Variants in SORCS2 observed in about 807,000 individuals in gnomAD.
The protein encoded by SORCS2 is sortilin related VPS10 domain containing receptor 2, also known as VPS10 domain-containing receptor SorCS2.
A neutral mutation model predicts 141.6 loss-of-function variants in SORCS2; 100 were observed. The observed-to-expected ratio is 0.71, with a 90% CI of 0.60 to 0.83. The LOEUF (loss-of-function observed/expected upper bound fraction) is 0.83, where lower values mean the gene tolerates loss of function less well. Among genes scored for constraint, SORCS2 ranks in the 40% least tolerant of loss-of-function variants. The pLI, the probability that SORCS2 is intolerant of heterozygous loss-of-function variation, is 0.00. For missense variants in SORCS2, 1,646 were observed against 1,560.2 expected (o/e 1.05, Z -0.93); for synonymous variants, 789 against 676.9 (o/e 1.17, Z -2.57).
chr4:7,372,942 C>T (rs570039251), intron 1 of SORCS2, among the ~76,000 whole-genome samples: 58 of 151,034 alleles, frequency 3.8e-4, no homozygotes, highest in South Asian at 2.1e-4. Context: ...AGTCTTCCAT[C>T]GTGTGAATGA....
Position 7,695,984 on chromosome 4 carries a change from A to T in SORCS2, c.1592-1214A>T, listed in dbSNP as rs938809538. 9.3e-5 allele frequency among the ~76,000 whole-genome samples: 14 copies of T among 150,292 alleles called. No homozygotes were observed. The Middle Eastern group carries it at 0.01, about 111-fold the overall frequency. On this transcript the variant is annotated intron_variant, in intron 11 of 26. Transcript: ENST00000507866. ...GATGGATGGATGGACAGATGGATGA[A>T]TAGGTAGGTGGGTGAGTGGGTAGAT...
intron 1 of SORCS2, chr4:7,381,831 C>T (rs759190258): frequency 4.5e-5 from 40 of 890,010 alleles, no homozygotes; most frequent in Non-Finnish European, 5.2e-5. Context: ...TGCCAGGAGC[C>T]AGGGCCAGAG....
At chr4:7,385,970 C>T (rs1014520595) in intron 1 of SORCS2, among the ~76,000 whole-genome samples, 6 of 152,198 alleles carry the variant, frequency 3.9e-5, no homozygotes, top group East Asian at 3.8e-4. Context: ...GCATCTTCCT[C>T]ATGTTTTGGA....
At chr4:7,723,669 T>C in intron 18 of SORCS2, 28 bp from the exon 19 acceptor site, 1 of 1,612,182 alleles carries the variant, frequency 6.2e-7, no homozygotes, top group African/African-American at 1.3e-5. Flanking sequence ...GGCCCACTCC[T>C]GAGTGGCCAC....
intron 2 of SORCS2, among the ~76,000 whole-genome samples, chr4:7,504,797 T>G (rs558899747): frequency 1.2e-4 from 19 of 152,308 alleles, no homozygotes; most frequent in Admixed American, 3.9e-4. Context: ...GCCTGAACCA[T>G]GGTATGTCTG....
intron 14 of SORCS2, among the ~76,000 whole-genome samples, 163 bp from the exon 15 acceptor site, chr4:7,712,570 G>T (rs747182220): frequency 2.0e-5 from 3 of 152,226 alleles, no homozygotes; most frequent in Non-Finnish European, 2.9e-5. Context: ...GGCCAGGCTC[G>T]GTGACCGGGG....
chr4:7,533,801 T>A (rs977035037), intron 3 of SORCS2, among the ~76,000 whole-genome samples: 8 of 105,662 alleles, frequency 7.6e-5, no homozygotes, highest in African/African-American at 2.5e-4. Flanking sequence ...TGACCTCCGC[T>A]GAGCCTCAGT....
chr4:7,695,094 G>T (rs975087752), intron 11 of SORCS2, among the ~76,000 whole-genome samples: 4 of 151,742 alleles, frequency 2.6e-5, no homozygotes, highest in Non-Finnish European at 5.9e-5. Context: ...GCTGTGCAGA[G>T]AGTAGACACT....
At chr4:7,674,738 C>T (rs904374034) in intron 8 of SORCS2, among the ~76,000 whole-genome samples, 5 of 151,700 alleles carry the variant, frequency 3.3e-5, no homozygotes, top group East Asian at 1.9e-4. Flanking sequence ...AGGGCAGCTT[C>T]TTCCTCATTC....
At chr4:7,545,306 G>T (rs367607746) in intron 3 of SORCS2, among the ~76,000 whole-genome samples, 1 of 152,166 alleles carries the variant, frequency 6.6e-6, no homozygotes, top group African/African-American at 2.4e-5. Flanking sequence ...AATAGAAAGT[G>T]CAAAGGCCCC....
chr4:7,728,334 C>T lies in SORCS2; in HGVS notation c.2870-16C>T, dbSNP rs1727364640. 6.2e-7 allele frequency: 1 copy of T among 1,600,940 alleles called. No individual in the cohort carries two copies. The highest frequency in any genetic ancestry group is 2.2e-5 in the East Asian group (1 of 44,732). ...TGTCCAGAACTGACCAGTCTCCCTT[C>T]TCTGCGTCTTTCCAGATCAATTTCA... On this transcript the variant is annotated splice_polypyrimidine_tract_variant and intron_variant, in intron 21 of 26. Transcript: ENST00000507866.
rs1553859454 is a variant in SORCS2, at chr4:7,418,705, C to CCCA, written c.548+22352_548+22353insACC. Among the ~76,000 whole-genome samples the CCCA allele has an allele frequency of 4.8e-5, 5 of 103,346 alleles. No individual in the cohort carries two copies. The East Asian group carries it at 1.3e-3, about 27-fold the overall frequency. 67.8% of individuals were successfully genotyped at this position (103,346 alleles called of 152,430 possible). On this transcript the variant is annotated intron_variant, in intron 2 of 26. Coordinates refer to ENST00000507866, the MANE Select transcript of SORCS2 (RefSeq NM_020777.3). ...AGCTTTTGCTGCGTAACAAATGACC[C>CCCA]CCCCCCCCACCAGATTTGTAGATTA...
chr4:7,213,409 A>G (rs1406580864), intron 1 of SORCS2, among the ~76,000 whole-genome samples: 2 of 152,192 alleles, frequency 1.3e-5, no homozygotes, highest in South Asian at 2.1e-4. Flanking sequence ...GCCCTATCAC[A>G]TGGTGTTGTG....
intron 3 of SORCS2, among the ~76,000 whole-genome samples, chr4:7,535,767 C>T (rs979144386): frequency 2.0e-5 from 3 of 152,246 alleles, no homozygotes; most frequent in Admixed American, 6.5e-5. Flanking sequence ...GTTGGAGGGA[C>T]CACACATGGC....
At position 7,638,416 on chromosome 4, in the gene SORCS2, T is replaced by C; in HGVS notation, c.737T>C (p.Ile246Thr). 1 of 1,602,490 alleles carries C rather than the reference T, an allele frequency of 6.2e-7. No homozygotes were observed. The highest frequency in any genetic ancestry group is 8.5e-7 in the Non-Finnish European group (1 of 1,175,248). Residue 246 changes from isoleucine (I) to threonine (T), a missense_variant, in exon 4 of 27, where the codon ATT becomes ACT. Transcript: ENST00000507866. ...DEGATFQKQPIPFFVETLIFH... is the reference protein window; with the variant it reads ...DEGATFQKQPTPFFVETLIFH... ...GGCGCCACCTTTCAGAAGCAGCCCA[T>C]TCCCTTCTTCGTGGAAACTCTGATT... is the stretch of plus-strand genomic sequence containing the variant.
At chr4:7,293,735 CAG>C (rs962708445) in intron 1 of SORCS2, among the ~76,000 whole-genome samples, 4 of 152,168 alleles carry the variant, frequency 2.6e-5, no homozygotes, top group Non-Finnish European at 5.9e-5. Context: ...GAAGGTGTCT[CAG>C]TGCGTGGTGC....
At chr4:7,202,173 A>G (rs1211738953) in intron 1 of SORCS2, among the ~76,000 whole-genome samples, 1 of 152,184 alleles carries the variant, frequency 6.6e-6, no homozygotes, top group East Asian at 1.9e-4. Flanking sequence ...GACTTAGGCA[A>G]TTTGCTCACT....
intron 8 of SORCS2, among the ~76,000 whole-genome samples, chr4:7,668,386 C>G (rs982080684): frequency 2.0e-5 from 3 of 152,140 alleles, no homozygotes; most frequent in African/African-American, 7.2e-5. Flanking sequence ...TTATCCAAAG[C>G]CCCAAGGCAG....
At chr4:7,704,878 G>A (rs997399832) in intron 14 of SORCS2, among the ~76,000 whole-genome samples, 14 of 152,190 alleles carry the variant, frequency 9.2e-5, no homozygotes, top group Admixed American at 6.5e-4. Flanking sequence ...ATGGGCCCCT[G>A]TGAGCCCAGC....
Sources: gnomAD v4.1 joint callset for allele counts (sites outside exome capture counted in the v4.1 genomes callset) on GRCh38, gnomAD v4.1.1 for gene constraint, MANE v1.5 for transcripts, NCBI Gene and HGNC (gene_info 2026-07-23, HGNC 2026-07-21) for gene names.